P2RY14: variants seen among roughly 807,000 people sequenced by gnomAD.
The protein encoded by P2RY14 is purinergic receptor P2Y14, also known as P2Y purinoceptor 14.
In P2RY14, 2 loss-of-function variants were observed where a neutral mutation model predicts 0.9. The ratio of observed to expected loss-of-function variants is 2.16; its 90% CI spans 0.88 to 6.79. The LOEUF (loss-of-function observed/expected upper bound fraction) is 6.79, where lower values mean the gene tolerates loss of function less well. P2RY14 is among the 30% of genes most tolerant of loss of function. The probability of loss-of-function intolerance (pLI) is 0.05; values close to 1 mark genes in which losing one functional copy is unlikely to be tolerated. For missense variants in P2RY14, 378 were observed against 400.1 expected (o/e 0.94, Z 0.47); for synonymous variants, 158 against 147.2 (o/e 1.07, Z -0.53).
chr3:151,213,408 C>T lies in P2RY14; in HGVS notation c.909G>A (p.Arg303=). The T allele has an allele frequency of 1.2e-6, 2 of 1,614,006 alleles. No homozygotes were observed. The highest frequency in any genetic ancestry group is 2.7e-5 in the African/African-American group (2 of 75,036). Residue 303 remains arginine (R), a synonymous_variant, in exon 3 of 3, where the codon AGG becomes AGA. Coordinates refer to ENST00000309170, the MANE Select transcript of P2RY14 (RefSeq NM_014879.4). ...TGTGCAATTTCTTACATAAGATTTC[C>T]CTAAACGGCTGGCATAGAAAGAAAT... ...IIYFFLCQPF[R]EILCKKLHIP...
Position 151,254,430 on chromosome 3 carries a change from G to C in P2RY14, c.-133+23857C>G, listed in dbSNP as rs1007268929. Among the ~76,000 whole-genome samples, 47 of 152,246 alleles carry C rather than the reference G, an allele frequency of 3.1e-4. 1 individual carries two copies. The highest frequency in any genetic ancestry group is 9.1e-4 in the African/African-American group (38 of 41,544). On this transcript the variant is annotated intron_variant, in intron 1 of 2. Coordinates refer to ENST00000309170, the MANE Select transcript of P2RY14 (RefSeq NM_014879.4). ...TGACCAGGGGAAACCTTGCTGTCTT[G>C]GTCTAATGAGGGCAGGCTTCCCTCT... is the stretch of plus-strand genomic sequence containing the variant.
chr3:151,220,735 G>A (rs559586246), intron 1 of P2RY14, among the ~76,000 whole-genome samples: 2 of 152,314 alleles, frequency 1.3e-5, no homozygotes, highest in South Asian at 2.1e-4. Flanking sequence ...ATGTGGAACT[G>A]TAAGTCCAGT....
intron 1 of P2RY14, among the ~76,000 whole-genome samples, chr3:151,239,649 A>T (rs1315180794): frequency 6.6e-6 from 1 of 152,228 alleles, no homozygotes; most frequent in East Asian, 1.9e-4. Context: ...ATAGGTATAC[A>T]CAAAAGCTCT....
At chr3:151,259,788 A>C (rs1738516764) in intron 1 of P2RY14, among the ~76,000 whole-genome samples, 1 of 152,222 alleles carries the variant, frequency 6.6e-6, no homozygotes, top group Admixed American at 6.5e-5. Context: ...AAAAGTTTAG[A>C]GTCCTGGTTT....
chr3:151,245,227 C>A (rs1735146403), intron 1 of P2RY14, among the ~76,000 whole-genome samples: 1 of 152,190 alleles, frequency 6.6e-6, no homozygotes, highest in Non-Finnish European at 1.5e-5. Flanking sequence ...TGAAACTACT[C>A]CAATCAATAG....
intron 1 of P2RY14, among the ~76,000 whole-genome samples, chr3:151,265,923 T>C (rs755788727): frequency 1.3e-5 from 2 of 152,176 alleles, no homozygotes; most frequent in South Asian, 4.1e-4. Flanking sequence ...GAATTGAAGA[T>C]GGCAGGCAAA....
At chr3:151,220,491 C>T (rs1032285514) in intron 1 of P2RY14, among the ~76,000 whole-genome samples, 5 of 152,118 alleles carry the variant, frequency 3.3e-5, no homozygotes, top group Non-Finnish European at 7.4e-5. Context: ...TGTGTCCCCA[C>T]CAAAATCTCA....
At chr3:151,228,198 A>G (rs1413808832) in intron 1 of P2RY14, among the ~76,000 whole-genome samples, 1 of 152,196 alleles carries the variant, frequency 6.6e-6, no homozygotes, top group African/African-American at 2.4e-5. Flanking sequence ...GATTACATGC[A>G]TGCTTGTGGG....
At chr3:151,215,069 C>T (rs986363859) in intron 2 of P2RY14, among the ~76,000 whole-genome samples, 15 of 150,924 alleles carry the variant, frequency 9.9e-5, no homozygotes, top group African/African-American at 2.9e-4. Flanking sequence ...AAATGTTAAC[C>T]GGTATTTTTG....
intron 1 of P2RY14, among the ~76,000 whole-genome samples, chr3:151,249,580 C>T (rs1028216860): frequency 1.3e-5 from 2 of 152,144 alleles, no homozygotes; most frequent in Non-Finnish European, 2.9e-5. Context: ...CTCCTCTAGA[C>T]TTATCCTGGT....
At chr3:151,222,656 T>C (rs946869176) in intron 1 of P2RY14, among the ~76,000 whole-genome samples, 1 of 152,228 alleles carries the variant, frequency 6.6e-6, no homozygotes, top group African/African-American at 2.4e-5. Flanking sequence ...CCAGTAAACC[T>C]CTTTCTTTTG....
At chr3:151,243,362 G>T (rs1454849733) in intron 1 of P2RY14, among the ~76,000 whole-genome samples, 2 of 151,022 alleles carry the variant, frequency 1.3e-5, no homozygotes, top group African/African-American at 4.9e-5. Context: ...AGGGCAGCCA[G>T]AGAGAAAGGT....
At chr3:151,276,263 T>A (rs1741838137) in intron 1 of P2RY14, among the ~76,000 whole-genome samples, 1 of 152,248 alleles carries the variant, frequency 6.6e-6, no homozygotes, top group South Asian at 2.1e-4. Context: ...AATTTGCATG[T>A]CTGACAAGCT....
rs544047464 is a variant in P2RY14 at position 151,251,963 on chromosome 3, G to T, written c.-133+26324C>A. On this transcript the variant is annotated intron_variant, in intron 1 of 2. Transcript: ENST00000309170. ...AAATAGCTTTGAAGTCACAGATTTT[G>T]ATTCTTTTAACATACCTTGAAATTA... Among the ~76,000 whole-genome samples, 6 of 152,206 alleles carry T rather than the reference G, an allele frequency of 3.9e-5. No individual in the cohort carries two copies. In the East Asian group the frequency reaches 1.2e-3, roughly 29 times the overall value.
intron 1 of P2RY14, among the ~76,000 whole-genome samples, chr3:151,228,913 T>C (rs1731061273): frequency 6.6e-6 from 1 of 152,194 alleles, no homozygotes. Context: ...ATCCATGACC[T>C]CTTTTCGCCT....
chr3:151,252,578 A>G (rs1737057418), intron 1 of P2RY14, among the ~76,000 whole-genome samples: 1 of 152,128 alleles, frequency 6.6e-6, no homozygotes, highest in Non-Finnish European at 1.5e-5. Context: ...TTTCTCTTTC[A>G]AGTTTTACTT....
intron 1 of P2RY14, among the ~76,000 whole-genome samples, chr3:151,273,166 A>G (rs1474937276): frequency 6.6e-6 from 1 of 151,452 alleles, no homozygotes; most frequent in African/African-American, 2.4e-5. Context: ...TCAGAGCACC[A>G]CACTATGTTA....
chr3:151,223,588 A>G (rs1729857922), intron 1 of P2RY14, among the ~76,000 whole-genome samples: 1 of 152,266 alleles, frequency 6.6e-6, no homozygotes, highest in South Asian at 2.1e-4. Flanking sequence ...ACACAGAAAC[A>G]GAAAACCAAA....
At chr3:151,235,859 A>T (rs1272635776) in intron 1 of P2RY14, among the ~76,000 whole-genome samples, 1 of 151,994 alleles carries the variant, frequency 6.6e-6, no homozygotes, top group Non-Finnish European at 1.5e-5. Context: ...TTTCCTGTTC[A>T]TGGCATCTAA....
Sources: allele counts gnomAD v4.1 joint callset (sites outside exome capture counted in the v4.1 genomes callset), GRCh38; gene constraint gnomAD v4.1.1; transcripts MANE v1.5; gene names NCBI Gene and HGNC (gene_info 2026-07-23, HGNC 2026-07-21).